KALRN: variants seen among roughly 807,000 people sequenced by gnomAD.
KALRN encodes the protein kalirin.
Under a neutral mutation model 353.7 loss-of-function variants are expected in KALRN, and 70 were observed. The observed-to-expected ratio is 0.20, with a 90% confidence interval of 0.16 to 0.24. The LOEUF is 0.24. KALRN is among the 10% of genes least tolerant of loss of function. KALRN has a pLI of 1.00. For synonymous variants in KALRN, 1,391 were observed against 1,434.8 expected, an observed-to-expected ratio of 0.97 and a Z score of 0.69; for missense variants, 2,791 against 3,756.7, an observed-to-expected ratio of 0.74 and a Z score of 6.72.
At chr3:124,442,933 T>C (rs2093713456) in intron 19 of KALRN, among the ~76,000 whole-genome samples, 1 of 151,898 alleles carries the variant, frequency 6.6e-6, no homozygotes, top group African/African-American at 2.4e-5. Context: ...CAGTGAGCCA[T>C]GTTTGCACCA....
In KALRN at chr3:124,575,281, C is replaced by A. The variant is rs116780695; in HGVS notation, c.5182+12192C>A. On this transcript the variant is annotated intron_variant, in intron 34 of 59. Transcript: ENST00000682506. ...GGCCACAGGAAGTCTGGCTCCTCAC[C>A]TTTGTACACAGGAGGGCGAACAGAT... Among the ~76,000 whole-genome samples the A allele has an allele frequency of 7.8e-3, 1,186 of 152,332 alleles. 15 individuals carry two copies. Among genetic ancestry groups the A allele is most frequent in the African/African-American group, 0.025 (1,053 of 41,560 alleles).
chr3:124,332,714 A>G (rs1269127950), intron 8 of KALRN, among the ~76,000 whole-genome samples: 1 of 152,132 alleles, frequency 6.6e-6, no homozygotes, highest in East Asian at 1.9e-4. Context: ...AACCGAGGAA[A>G]GTGGATGGTG....
At chr3:124,119,922 T>A (rs2080271785) in intron 1 of KALRN, among the ~76,000 whole-genome samples, 1 of 152,140 alleles carries the variant, frequency 6.6e-6, no homozygotes, top group Admixed American at 6.5e-5. Flanking sequence ...GGCTGCTGCT[T>A]GGGTATGCTT....
At chr3:124,475,520 G>A (rs1028637648) in intron 26 of KALRN, among the ~76,000 whole-genome samples, 2 of 152,100 alleles carry the variant, frequency 1.3e-5, no homozygotes, top group Admixed American at 6.5e-5. Flanking sequence ...CCTCCCCCAG[G>A]GTCAAGCGTT....
At chr3:124,655,462 A>C in intron 38 of KALRN, 139 bp from the exon 39 acceptor site, 1 of 655,236 alleles carries the variant, frequency 1.5e-6, no homozygotes, top group Non-Finnish European at 2.8e-6. Flanking sequence ...ATCCGTAAGC[A>C]TCTTTCCCAG....
chr3:124,074,229 CA>C (rs1275690441), intron 1 of KALRN, among the ~76,000 whole-genome samples: 1 of 152,182 alleles, frequency 6.6e-6, no homozygotes, highest in African/African-American at 2.4e-5. Flanking sequence ...TAAATCCAAT[CA>C]TACTCTATTG....
At chr3:124,360,089 A>G (rs558175581) in intron 10 of KALRN, among the ~76,000 whole-genome samples, 8 of 152,358 alleles carry the variant, frequency 5.3e-5, no homozygotes, top group Non-Finnish European at 7.3e-5. Context: ...GGCATCCAGG[A>G]GCCAGTGGTG....
chr3:124,492,789 T>C lies in KALRN; in HGVS notation c.4739T>C (p.Val1580Ala). 1 of 1,613,974 alleles carries C rather than the reference T, an allele frequency of 6.2e-7. No homozygotes were observed. The highest frequency in any genetic ancestry group is 1.1e-5 in the South Asian group (1 of 91,066). ...KQEWIKNIRE[V>A]IQERIIHLKG... ...GAGTGGATCAAGAACATTCGAGAAGTGATTCAAGAAAGGATCATTCACCTG... is the reference window on the plus strand; with the variant it reads ...GAGTGGATCAAGAACATTCGAGAAGCGATTCAAGAAAGGATCATTCACCTG... The change falls in exon 32 of 60, where the codon GTG becomes GCG. Residue 1580 changes from valine to alanine, a missense_variant. Coordinates refer to ENST00000682506, the MANE Select transcript of KALRN (RefSeq NM_001388419.1).
chr3:124,478,273 A>C (rs1718317), intron 27 of KALRN, among the ~76,000 whole-genome samples: 150,952 of 152,360 alleles, frequency 0.99, 74,789 homozygotes, highest in East Asian at 1. Context: ...ATCTGTCTAT[A>C]TGCCTACCTG....
At chr3:124,530,651 G>T (rs961541952) in intron 33 of KALRN, among the ~76,000 whole-genome samples, 3 of 152,066 alleles carry the variant, frequency 2.0e-5, no homozygotes, top group African/African-American at 7.2e-5. Context: ...CCCAAAGTGC[G>T]AGGATTACAA....
At chr3:124,493,108 T>A (rs2063344851) in intron 32 of KALRN, among the ~76,000 whole-genome samples, 1 of 152,198 alleles carries the variant, frequency 6.6e-6, no homozygotes, top group African/African-American at 2.4e-5. Flanking sequence ...CTCTGCTAGG[T>A]TCTACAAGAT....
intron 3 of KALRN, among the ~76,000 whole-genome samples, chr3:124,255,710 G>A (rs182267902): frequency 1.5e-3 from 236 of 152,258 alleles, no homozygotes; most frequent in African/African-American, 5.3e-3. Flanking sequence ...TGCATAGGAA[G>A]AGCCCCTTAT....
intron 34 of KALRN, among the ~76,000 whole-genome samples, chr3:124,593,342 A>T (rs1438623757): frequency 6.6e-6 from 1 of 152,154 alleles, no homozygotes; most frequent in Non-Finnish European, 1.5e-5. Flanking sequence ...AAGTGTGGTC[A>T]CCTGGGAACA....
At chr3:124,537,622 A>C (rs1487292491) in intron 33 of KALRN, among the ~76,000 whole-genome samples, 1 of 152,180 alleles carries the variant, frequency 6.6e-6, no homozygotes, top group Non-Finnish European at 1.5e-5. Context: ...AAAGGAAGGA[A>C]GGAACTATTC....
Position 124,456,844 on chromosome 3 carries a change from A to G in KALRN, c.3854+116A>G, listed in dbSNP as rs115458868. The G allele has an allele frequency of 1.5e-3, 971 of 632,914 alleles. 8 individuals carry two copies. The highest frequency in any genetic ancestry group is 0.013 in the African/African-American group (695 of 54,966). The allele number at this position is 632,914 out of a possible 1,614,324, so 39.2% of individuals were successfully genotyped here. Reference sequence around the variant, plus strand: ...CTCATGGCCACCTACAGGGATTGGGATGGACAGACATAATGTTTGCATTGA... The same window carrying G: ...CTCATGGCCACCTACAGGGATTGGGGTGGACAGACATAATGTTTGCATTGA... On this transcript the variant is annotated intron_variant, in intron 23 of 59. Coordinates refer to ENST00000682506, the MANE Select transcript of KALRN (RefSeq NM_001388419.1).
At chr3:124,270,824 GTTTTTT>G (rs777615656) in intron 5 of KALRN, among the ~76,000 whole-genome samples, 3 of 78,654 alleles carry the variant, frequency 3.8e-5, no homozygotes, top group Non-Finnish European at 7.3e-5. Context: ...TTTTTGTTTT[GTTTTTT>G]TTTTTTTTTT....
chr3:124,631,628 C>T (rs955585068), intron 34 of KALRN, among the ~76,000 whole-genome samples: 71 of 152,238 alleles, frequency 4.7e-4, no homozygotes, highest in Non-Finnish European at 2.5e-4. Flanking sequence ...AAACCACCAA[C>T]ATCCCTCACC....
intron 33 of KALRN, among the ~76,000 whole-genome samples, chr3:124,528,820 C>G (rs2067798170): frequency 6.6e-6 from 1 of 152,162 alleles, no homozygotes; most frequent in Non-Finnish European, 1.5e-5. Flanking sequence ...AGTAATGTAA[C>G]AGCAAACAAA....
intron 33 of KALRN, among the ~76,000 whole-genome samples, chr3:124,543,684 G>GT (rs1270311912): frequency 0.014 from 2,025 of 145,616 alleles, 14 homozygotes; most frequent in African/African-American, 0.024. Context: ...AAATCAGCAG[G>GT]TTTTTTTTTT....
Sources: gnomAD v4.1 joint callset for allele counts (sites outside exome capture counted in the v4.1 genomes callset) on GRCh38, gnomAD v4.1.1 for gene constraint, MANE v1.5 for transcripts, NCBI Gene and HGNC (gene_info 2026-07-23, HGNC 2026-07-21) for gene names.